GAB4: variants seen among roughly 807,000 people sequenced by gnomAD.
The protein encoded by GAB4 is GRB2-associated-binding protein 4.
Under a neutral mutation model 51.3 loss-of-function variants are expected in GAB4, and 26 were observed. The observed-to-expected ratio is 0.51, with a 90% CI of 0.37 to 0.70. GAB4 has a LOEUF of 0.70. Among genes scored for constraint, GAB4 ranks in the 30% least tolerant of loss-of-function variants. The pLI is 0.00. For synonymous variants in GAB4, 329 were observed against 291.2 expected, an observed-to-expected ratio of 1.13 and a Z score of -1.32; for missense variants, 759 against 734.6, an observed-to-expected ratio of 1.03 and a Z score of -0.38.
chr22:16,971,581 T>A (rs746271859), intron 3 of GAB4, among the ~76,000 whole-genome samples: 2 of 152,150 alleles, frequency 1.3e-5, no homozygotes, highest in Non-Finnish European at 2.9e-5. Context: ...ATAGCAGGAG[T>A]TCTCAGCCTC....
intron 1 of GAB4, among the ~76,000 whole-genome samples, chr22:16,995,205 G>C (rs760298237): frequency 3.9e-5 from 6 of 152,132 alleles, no homozygotes; most frequent in African/African-American, 7.2e-5. Flanking sequence ...AGAGGAGAGG[G>C]AACAGTGATG....
chr22:17,005,977 T>C (rs2061037073), intron 1 of GAB4, among the ~76,000 whole-genome samples: 1 of 152,148 alleles, frequency 6.6e-6, no homozygotes, highest in Admixed American at 6.5e-5. Flanking sequence ...ACTTCATAAC[T>C]AAAACATGAA....
chr22:16,984,616 T>G (rs544134978), intron 3 of GAB4, among the ~76,000 whole-genome samples: 1 of 152,310 alleles, frequency 6.6e-6, no homozygotes, highest in South Asian at 2.1e-4. Flanking sequence ...CTTGGGAGAA[T>G]GTTGATGTTT....
chr22:16,963,372 G>A (rs1336329512), intron 9 of GAB4, among the ~76,000 whole-genome samples: 1 of 152,192 alleles, frequency 6.6e-6, no homozygotes, highest in African/African-American at 2.4e-5. Context: ...TCAATGGCCG[G>A]GCTCTAGAAC....
chr22:16,985,563 A>G (rs922091649), intron 3 of GAB4, among the ~76,000 whole-genome samples: 4 of 152,238 alleles, frequency 2.6e-5, no homozygotes, highest in African/African-American at 9.6e-5. Context: ...CATCAGAAAC[A>G]ATATCATCTT....
chr22:17,005,335 C>T (rs548473362), intron 1 of GAB4, among the ~76,000 whole-genome samples: 2 of 152,278 alleles, frequency 1.3e-5, no homozygotes, highest in Non-Finnish European at 1.5e-5. Flanking sequence ...CAAACCACTG[C>T]TCAAGGAAAT....
At chr22:16,974,741 G>A in intron 3 of GAB4, among the ~76,000 whole-genome samples, 1 of 152,142 alleles carries the variant, frequency 6.6e-6, no homozygotes, top group South Asian at 2.1e-4. Context: ...AATAGGAACC[G>A]CTCTGGTCTG....
intron 2 of GAB4, 75 bp from the exon 3 acceptor site, chr22:16,988,242 T>C (rs2060885343): frequency 1.0e-6 from 1 of 970,086 alleles, no homozygotes; most frequent in African/African-American, 1.6e-5. Context: ...ATGAAGACAG[T>C]GGCGGTAATC....
At chr22:16,970,314 G>C (rs1281895211) in intron 3 of GAB4, 121 bp from the exon 4 acceptor site, 1 of 1,115,870 alleles carries the variant, frequency 9.0e-7, no homozygotes, top group South Asian at 1.5e-5. Context: ...CACAGGAAGA[G>C]GAATTGGGCA....
Position 16,988,153 on chromosome 22 carries a change from T to C in GAB4, c.493A>G (p.Ile165Val). 2.5e-6 allele frequency: 4 copies of C among 1,613,034 alleles called. No homozygotes were observed. The East Asian group carries it at 8.9e-5, about 36-fold the overall frequency. The change falls in exon 3 of 10, where the codon ATT becomes GTT. Residue 165 changes from isoleucine to valine, a missense_variant. Around this residue, in one of 3 missense-constraint regions of GAB4, gnomAD observed 88 missense variants for 151.3 expected, o/e 0.58. Transcript: ENST00000400588. ...CAGAGGCCGTGACTGGCTGAGGAAA[T>C]GTTTCCCAGGAAGCCTGTGAATGAA... ...QEESTGFLGNISSASHGLCSS... is the reference protein window; with the variant it reads ...QEESTGFLGNVSSASHGLCSS...
chr22:16,965,765 T>C (rs1367302147), intron 6 of GAB4, among the ~76,000 whole-genome samples: 1 of 152,102 alleles, frequency 6.6e-6, no homozygotes, highest in African/African-American at 2.4e-5. Flanking sequence ...TCCCACTCCT[T>C]CCTTGAACCC....
chr22:17,007,962 G>C lies in GAB4; in HGVS notation c.153C>G (p.Pro51=), dbSNP rs368592506. ...TCACAAAGAGCCTCAGCTTCTTCTCGGGGGGCGACTTCCTCAGCCAGCCGC... is the reference window on the plus strand; with the variant it reads ...TCACAAAGAGCCTCAGCTTCTTCTCCGGGGGCGACTTCCTCAGCCAGCCGC... ...LYSGWLRKSP[P]EKKLRLFAWR... Residue 51 remains proline (P), a synonymous_variant, in exon 1 of 10, where the codon CCC becomes CCG. Transcript: ENST00000400588. 1.5e-4 allele frequency: 248 copies of C among 1,603,156 alleles called. No homozygotes were observed. The African/African-American group carries it at 2.9e-3, about 19-fold the overall frequency.
At chr22:16,996,208 A>C (rs2060947999) in intron 1 of GAB4, among the ~76,000 whole-genome samples, 1 of 151,838 alleles carries the variant, frequency 6.6e-6, no homozygotes, top group South Asian at 2.1e-4. Context: ...ACAGGATATC[A>C]GAGATTGAAG....
intron 2 of GAB4, 81 bp downstream of exon 2, chr22:16,991,789 GGCA>G: frequency 5.1e-6 from 6 of 1,185,876 alleles, no homozygotes; most frequent in Non-Finnish European, 7.2e-6. Context: ...TGGCAGTGTT[GGCA>G]GCTAGAGCTG....
rs755603181 is a variant in GAB4, at chr22:17,008,050, A to G, written c.65T>C (p.Leu22Ser). 5 of 1,608,592 alleles carry G rather than the reference A, an allele frequency of 3.1e-6. No homozygotes were observed. The South Asian group carries it at 5.6e-5, about 18-fold the overall frequency. ...LCPPDPAFAP[L>S]SSWPGSGPAG... ...GGGGCCACTTCCGGGCCACGAAGACAAAGGCGCAAATGCCGGGTCAGGTGG... is the reference window on the plus strand; with the variant it reads ...GGGGCCACTTCCGGGCCACGAAGACGAAGGCGCAAATGCCGGGTCAGGTGG... Residue 22 changes from leucine (L) to serine (S), a missense_variant, in exon 1 of 10, where the codon TTG (leucine) becomes TCG (serine). Physicochemically the swap from Leu to Ser is moderately radical, Grantham distance 145 (BLOSUM62 -2). Transcript: ENST00000400588.
intron 1 of GAB4, among the ~76,000 whole-genome samples, chr22:17,007,726 C>G (rs1390359736): frequency 6.6e-6 from 1 of 152,176 alleles, no homozygotes; most frequent in Non-Finnish European, 1.5e-5. Context: ...ATAGGGTCCC[C>G]AGCCCTGGAA....
intron 1 of GAB4, among the ~76,000 whole-genome samples, chr22:16,997,429 G>C (rs968063424): frequency 7.2e-5 from 11 of 152,200 alleles, no homozygotes; most frequent in African/African-American, 2.2e-4. Flanking sequence ...TCTGTTGGCT[G>C]CATAAATGTC....
At chr22:16,989,448 T>C (rs2060895753) in intron 2 of GAB4, among the ~76,000 whole-genome samples, 2 of 152,224 alleles carry the variant, frequency 1.3e-5, no homozygotes, top group Non-Finnish European at 2.9e-5. Flanking sequence ...TCCAGCTGTT[T>C]CTGATGCTAG....
chr22:16,977,986 G>C (rs1221393405), intron 3 of GAB4, among the ~76,000 whole-genome samples: 1 of 113,146 alleles, frequency 8.8e-6, no homozygotes, highest in Non-Finnish European at 1.9e-5. Context: ...AAACCAATGA[G>C]AACAAAGACA....
Sources: allele counts gnomAD v4.1 joint callset (sites outside exome capture counted in the v4.1 genomes callset), GRCh38; gene constraint gnomAD v4.1.1; regional missense constraint gnomAD v4.1.1; transcripts MANE v1.5; gene names NCBI Gene and HGNC (gene_info 2026-07-23, HGNC 2026-07-21).